The following DNASE2 variants were observed in gnomAD, a reference collection of about 807,000 sequenced individuals.
DNASE2 encodes deoxyribonuclease-2-alpha.
A neutral mutation model predicts 29.8 loss-of-function variants in DNASE2; 26 were observed. The observed-to-expected ratio is 0.87, with a 90% CI of 0.64 to 1.21. The LOEUF (loss-of-function observed/expected upper bound fraction) is 1.21, where lower values mean the gene tolerates loss of function less well. Among genes scored for constraint, DNASE2 ranks in the 50% most tolerant of loss-of-function variants. The pLI, the probability that DNASE2 is intolerant of heterozygous loss-of-function variation, is 0.00. For synonymous variants in DNASE2, 186 were observed against 193.5 expected, an observed-to-expected ratio of 0.96 and a Z score of 0.32; for missense variants, 415 against 455.6, an observed-to-expected ratio of 0.91 and a Z score of 0.81.
In DNASE2 at chr19:12,880,999, C is replaced by A. The variant is rs760893854; in HGVS notation, c.240G>T (p.Gln80His). 1.2e-6 allele frequency: 2 copies of A among 1,614,128 alleles called. No homozygotes were observed. The change falls in exon 2 of 6, where the codon CAG (glutamine) becomes CAT (histidine). Residue 80 changes from glutamine to histidine, a missense_variant. Transcript: ENST00000222219. ...GGCTGGTGTTGCTCCGGTACAGCGG[C>A]TGCAGGCTTCGGCCCACGGCCCCCT... Reference protein sequence around the residue: ...SPEGAVGRSLQPLYRSNTSQL... With the variant: ...SPEGAVGRSLHPLYRSNTSQL...
In DNASE2 at chr19:12,878,450, C is replaced by T; in HGVS notation, c.641G>A (p.Ser214Asn). The T allele has an allele frequency of 6.2e-7, 1 of 1,613,906 alleles. No homozygotes were observed. Among genetic ancestry groups the T allele is most frequent in the South Asian group, 1.1e-5 (1 of 91,064 alleles). Residue 214 changes from serine (S) to asparagine (N), a missense_variant, in exon 5 of 6, where the codon AGC becomes AAC. Ser to Asn is a conservative substitution (Grantham distance 46). Transcript: ENST00000222219. ...HHVSQEPWNS[S>N]ITLTSQAGAV... ...CCCGGCCTGGGATGTGAGTGTGATG[C>T]TGCTGTTCCAGGGTTCTTGGCTAAC...
In DNASE2 at chr19:12,876,214, G is replaced by A; in HGVS notation, c.859C>T (p.Pro287Ser). Residue 287 changes from proline (P) to serine (S), a missense_variant, in exon 6 of 6, where the codon CCA becomes TCA. Pro to Ser is a moderately conservative substitution (Grantham distance 74). Transcript: ENST00000222219. ...TGGTCCTCTGTGCTGTTGAAGCTTG[G>A]GCCGGCTGGTCCAGGGAAAGCTATC... Reference protein sequence around the residue: ...NQIAFPGPAGPSFNSTEDHSK... With the variant: ...NQIAFPGPAGSSFNSTEDHSK... 1 of 1,614,180 alleles carries A rather than the reference G, an allele frequency of 6.2e-7. No individual in the cohort carries two copies. Among genetic ancestry groups the A allele is most frequent in the Non-Finnish European group, 8.5e-7 (1 of 1,180,036 alleles).
chr19:12,881,232 G>A (rs1442997569), intron 1 of DNASE2, 58 bp downstream of exon 1: 16 of 1,606,494 alleles, frequency 1.0e-5, no homozygotes, highest in Admixed American at 1.7e-5. Flanking sequence ...TAGCCATCCC[G>A]GTTGAGTGAC....
rs1002518341 is a variant in DNASE2 at position 12,876,013 on chromosome 19, G to C, written c.1060C>G (p.Pro354Ala). 2 of 1,613,484 alleles carry C rather than the reference G, an allele frequency of 1.2e-6. No homozygotes were observed. Among genetic ancestry groups the C allele is most frequent in the African/African-American group, 1.3e-5 (1 of 74,920 alleles). ...GGTTAGATCTTATAAGCTCTGCTGG[G>C]CTTCCTGGCCATGCCATTACAGGGC... ...YQPCNGMARK[P>A]SRAYKI Residue 354 changes from proline to alanine, a missense_variant, in exon 6 of 6, where the codon CCC (proline) becomes GCC (alanine). Coordinates refer to ENST00000222219, the MANE Select transcript of DNASE2 (RefSeq NM_001375.3).
At chr19:12,877,412 AT>A (rs539553728) in intron 5 of DNASE2, among the ~76,000 whole-genome samples, 178 of 147,142 alleles carry the variant, frequency 1.2e-3, no homozygotes, top group African/African-American at 4.4e-3. Flanking sequence ...ACTAATTAAA[AT>A]TTTTTTTGTA....
In DNASE2 at chr19:12,877,049, C is replaced by T. The variant is rs184608180; in HGVS notation, c.710-686G>A. ...TGTTGGCCAGGCTGTTCTCAAACTCCTGACCGTGTAATCAGCCAGCGCCCT... is the reference window on the plus strand; with the variant it reads ...TGTTGGCCAGGCTGTTCTCAAACTCTTGACCGTGTAATCAGCCAGCGCCCT... On this transcript the variant is annotated intron_variant, in intron 5 of 5. Coordinates refer to ENST00000222219, the MANE Select transcript of DNASE2 (RefSeq NM_001375.3). Among the ~76,000 whole-genome samples the T allele has an allele frequency of 1.6e-3, 249 of 152,114 alleles. 1 individual carries two copies. Among genetic ancestry groups the T allele is most frequent in the African/African-American group, 5.8e-3 (242 of 41,494 alleles).
intron 3 of DNASE2, among the ~76,000 whole-genome samples, chr19:12,880,240 T>C (rs1198469414): frequency 1.3e-5 from 2 of 151,232 alleles, no homozygotes; most frequent in Non-Finnish European, 2.9e-5. Context: ...CACTCCAGCC[T>C]AGGTGACTGG....
Position 12,878,829 on chromosome 19 carries a change from G to A in DNASE2, c.352C>T (p.Leu118=). 1 of 1,612,348 alleles carries A rather than the reference G, an allele frequency of 6.2e-7. No individual in the cohort carries two copies. Residue 118 remains leucine (L), a synonymous_variant, in exon 4 of 6, where the codon CTG becomes TTG. Transcript: ENST00000222219. ...SSMRGHTKGV[L]LLDHDGGFWL... ...AAGCCCCCATCGTGGTCAAGGAGCA[G>A]GACACCTGGACCAAAAGAAGGCATT...
intron 5 of DNASE2, 167 bp downstream of exon 5, chr19:12,878,215 C>T: frequency 1.2e-6 from 1 of 811,844 alleles, no homozygotes; most frequent in South Asian, 1.5e-5. Flanking sequence ...TGAAGTTATA[C>T]ATCACACAGC....
chr19:12,875,906 T>A lies in DNASE2; in HGVS notation c.*84A>T. The A allele has an allele frequency of 6.4e-7, 1 of 1,566,410 alleles. No individual in the cohort carries two copies. Among genetic ancestry groups the A allele is most frequent in the South Asian group, 1.1e-5 (1 of 87,718 alleles). ...CTATGTAGCCCAGGCTGGTCTCGAATTCCTGAGTTCAAGTGATCCTCCCTC... is the reference window on the plus strand; with the variant it reads ...CTATGTAGCCCAGGCTGGTCTCGAAATCCTGAGTTCAAGTGATCCTCCCTC... On this transcript the variant is annotated 3_prime_UTR_variant, in exon 6 of 6. Coordinates refer to ENST00000222219, the MANE Select transcript of DNASE2 (RefSeq NM_001375.3).
At chr19:12,878,340 C>G in intron 5 of DNASE2, 42 bp downstream of exon 5, 1 of 1,611,000 alleles carries the variant, frequency 6.2e-7, no homozygotes, top group Non-Finnish European at 8.5e-7. Flanking sequence ...GTCACCCTGT[C>G]TGCAGAGAAG....
chr19:12,880,588 A>G (rs551618315), intron 3 of DNASE2, among the ~76,000 whole-genome samples: 16 of 151,972 alleles, frequency 1.1e-4, no homozygotes, highest in Non-Finnish European at 2.4e-4. Context: ...CCCCAGAGGC[A>G]GAGATTGCAG....
chr19:12,880,253 G>A (rs1970364433), intron 3 of DNASE2, among the ~76,000 whole-genome samples: 2 of 151,934 alleles, frequency 1.3e-5, no homozygotes, highest in Admixed American at 1.3e-4. Context: ...GTGACTGGGT[G>A]AGACCTTGTC....
Position 12,881,163 on chromosome 19 carries a change from G to C in DNASE2, c.87-11C>G, listed in dbSNP as rs1970375800. 6.2e-7 allele frequency: 1 copy of C among 1,611,620 alleles called. No individual in the cohort carries two copies. The highest frequency in any genetic ancestry group is 1.1e-5 in the South Asian group (1 of 91,082). On this transcript the variant is annotated splice_polypyrimidine_tract_variant and intron_variant, in intron 1 of 5. Coordinates refer to ENST00000222219, the MANE Select transcript of DNASE2 (RefSeq NM_001375.3). ...TTGTAGACCACGAACCTGGAGGTCG[G>C]AGAATGCACAGAAATAGGAGAGAGG...
chr19:12,878,129 A>T, intron 5 of DNASE2: 1 of 513,456 alleles, frequency 1.9e-6, no homozygotes, highest in Non-Finnish European at 3.6e-6. Flanking sequence ...AATGACTTAC[A>T]GGTACCACTT....
chr19:12,876,098 T>C lies in DNASE2; in HGVS notation c.975A>G (p.Thr325=), dbSNP rs2043169557. The C allele has an allele frequency of 6.2e-7, 1 of 1,613,810 alleles. No individual in the cohort carries two copies. Among genetic ancestry groups the C allele is most frequent in the South Asian group, 1.1e-5 (1 of 91,086 alleles). ...NQGEEQRGGG[T]LCAQLPALWK... ...AGAGGGCTGGCAGCTGGGCACACAG[T>C]GTGCCCCCACCCCGTTGCTCCTCTC... Residue 325 remains threonine, a synonymous_variant, in exon 6 of 6, where the codon ACA becomes ACG. Transcript: ENST00000222219.
chr19:12,879,259 C>T (rs768424017), intron 3 of DNASE2, among the ~76,000 whole-genome samples: 6 of 151,460 alleles, frequency 4.0e-5, no homozygotes, highest in Non-Finnish European at 5.9e-5. Context: ...CCGAGGAGGG[C>T]GGATCACCTG....
intron 2 of DNASE2, 28 bp downstream of exon 2, chr19:12,880,944 C>T: frequency 6.2e-7 from 1 of 1,614,230 alleles, no homozygotes; most frequent in African/African-American, 1.3e-5. Flanking sequence ...TAGAGTTTCG[C>T]CCCTAGTTGG....
rs989989902 is a variant in DNASE2, at chr19:12,880,809, G to C, written c.339C>G (p.His113Gln). The C allele has an allele frequency of 6.2e-7, 1 of 1,614,240 alleles. No individual in the cohort carries two copies. The highest frequency in any genetic ancestry group is 1.3e-5 in the African/African-American group (1 of 75,062). ...SKAQDSSMRG[H>Q]TKGVLLLDHD... ...CCCCAATCCAGGCCTCACCCTTCGT[G>C]TGCCCACGCATGGAAGAGTCCTGAG... The change falls in exon 3 of 6, where the codon CAC becomes CAG. Residue 113 changes from histidine to glutamine, a missense_variant. Transcript: ENST00000222219.
Sources: allele counts gnomAD v4.1 joint callset (sites outside exome capture counted in the v4.1 genomes callset), GRCh38; gene constraint gnomAD v4.1.1; transcripts MANE v1.5; gene names NCBI Gene and HGNC (gene_info 2026-07-23, HGNC 2026-07-21).